The following PPP2R2B variants were observed in gnomAD, a reference collection of about 807,000 sequenced individuals.
PPP2R2B encodes serine/threonine-protein phosphatase 2A 55 kDa regulatory subunit B beta isoform.
A neutral mutation model predicts 46.0 loss-of-function variants in PPP2R2B; 5 were observed. The ratio of observed to expected loss-of-function variants is 0.11; its 90% CI spans 0.06 to 0.23. The LOEUF (loss-of-function observed/expected upper bound fraction) is 0.23, where lower values mean the gene tolerates loss of function less well. Among genes scored for constraint, PPP2R2B ranks in the 10% least tolerant of loss-of-function variants. PPP2R2B has a pLI of 1.00. For missense variants in PPP2R2B, 367 were observed against 575.0 expected, an observed-to-expected ratio of 0.64 and a Z score of 3.70; for synonymous variants, 215 against 206.7, an observed-to-expected ratio of 1.04 and a Z score of -0.34.
At chr5:147,052,887 C>G (rs1390187502) in intron 1 of PPP2R2B, among the ~76,000 whole-genome samples, 1 of 151,876 alleles carries the variant, frequency 6.6e-6, no homozygotes, top group African/African-American at 2.4e-5. Flanking sequence ...GGCGTGAGGG[C>G]TCAGAGTGAG....
chr5:146,863,513 C>T (rs1001473317), intron 2 of PPP2R2B, among the ~76,000 whole-genome samples: 5 of 151,992 alleles, frequency 3.3e-5, no homozygotes, highest in African/African-American at 9.7e-5. Context: ...AATATTGCAC[C>T]CCCAAATCTC....
rs540505772 is a variant in PPP2R2B at position 146,793,405 on chromosome 5, A to C, written c.70+84597T>G. On this transcript the variant is annotated intron_variant, in intron 2 of 9. Transcript: ENST00000394411. ...GAATTTGGGAGTTGCTGACATATAGATACTATTTCAAGTCACAAGAGTAGA... is the reference window on the plus strand; with the variant it reads ...GAATTTGGGAGTTGCTGACATATAGCTACTATTTCAAGTCACAAGAGTAGA... Among the ~76,000 whole-genome samples the C allele has an allele frequency of 1.1e-4, 17 of 152,348 alleles. 1 individual carries two copies. The South Asian group carries it at 3.3e-3, about 30-fold the overall frequency.
rs1481972536 is a variant in PPP2R2B at position 146,878,540 on chromosome 5, T to G, written c.-125+51A>C. 2 of 1,265,190 alleles carry G rather than the reference T, an allele frequency of 1.6e-6. No homozygotes were observed. Among genetic ancestry groups the G allele is most frequent in the Non-Finnish European group, 2.0e-6 (2 of 987,872 alleles). 78.4% of individuals were successfully genotyped at this position (1,265,190 alleles called of 1,614,324 possible). A position where few individuals can be genotyped will look rare whatever the true frequency, so the allele number is the denominator to read the frequency against. On this transcript the variant is annotated intron_variant, in intron 1 of 9. Transcript: ENST00000394411. This position sits in a 1 kb window ranked among gnomAD's most constrained non-coding sequence, Gnocchi z 4.5. ...GGCAGCCGCGACAAAATGGTGCCTT[T>G]CTGGACCCGAGCTGCAGTGGCGAGA...
At chr5:146,670,619 C>T (rs1203576468) in intron 5 of PPP2R2B, among the ~76,000 whole-genome samples, 1 of 152,014 alleles carries the variant, frequency 6.6e-6, no homozygotes, top group African/African-American at 2.4e-5. Flanking sequence ...TTTTAGCCTT[C>T]TGAGTAGCTG....
rs34864782 is a variant in PPP2R2B, at chr5:146,979,558, AACACAC to A, written c.79+76101_79+76106del. Among the ~76,000 whole-genome samples the A allele has an allele frequency of 7.8e-3, 1,066 of 137,330 alleles. 6 individuals carry two copies. The highest frequency in any genetic ancestry group is 0.024 in the African/African-American group (893 of 37,752). The allele number at this position is 137,330 out of a possible 152,430, so 90.1% of individuals were successfully genotyped here. A position where few individuals can be genotyped will look rare whatever the true frequency, so the allele number is the denominator to read the frequency against. On this transcript the variant is annotated intron_variant, in intron 1 of 8. Transcript: ENST00000336640. ...CCAATATTGAATCTTCCCACCTTGAAACACACACACACACACACACACACACACACA... is the reference window on the plus strand; with the variant it reads ...CCAATATTGAATCTTCCCACCTTGAAACACACACACACACACACACACACA...
At chr5:146,833,711 C>G (rs1392709000) in intron 2 of PPP2R2B, among the ~76,000 whole-genome samples, 1 of 152,034 alleles carries the variant, frequency 6.6e-6, no homozygotes, top group African/African-American at 2.4e-5. Flanking sequence ...CGTGTCTCTT[C>G]TTTTTCTGTC....
At chr5:147,056,069 C>T, upstream of PPP2R2B, 1 of 1,122,908 alleles carries the variant, frequency 8.9e-7, no homozygotes, top group Non-Finnish European at 1.1e-6. Context: ...CTGAAATGCT[C>T]TGCCTGAAAC....
exon 1 of PPP2R2B, chr5:147,081,395 G>C (rs949503996): frequency 1.5e-5 from 18 of 1,238,546 alleles, no homozygotes; most frequent in Admixed American, 2.0e-5. Flanking sequence ...TGGAGCAATT[G>C]GAGTTTGTCC....
chr5:146,939,874 C>G (rs1764266882), intron 1 of PPP2R2B, among the ~76,000 whole-genome samples: 1 of 152,124 alleles, frequency 6.6e-6, no homozygotes, highest in Non-Finnish European at 1.5e-5. Context: ...AAGCTCAGCT[C>G]ATGTACAAGT....
At chr5:146,751,826 G>A (rs1753573231) in intron 2 of PPP2R2B, among the ~76,000 whole-genome samples, 1 of 152,166 alleles carries the variant, frequency 6.6e-6, no homozygotes, top group African/African-American at 2.4e-5. Context: ...ATGAAGTGAT[G>A]GAGCACAACA....
chr5:146,652,073 G>A (rs375795131), intron 5 of PPP2R2B, among the ~76,000 whole-genome samples: 3 of 152,168 alleles, frequency 2.0e-5, no homozygotes, highest in African/African-American at 4.8e-5. Flanking sequence ...GGAAAGGAAA[G>A]GGAAGGAAAG....
intron 5 of PPP2R2B, among the ~76,000 whole-genome samples, chr5:146,669,831 A>C (rs560673862): frequency 2.8e-4 from 43 of 152,320 alleles, no homozygotes; most frequent in African/African-American, 1.0e-3. Context: ...CTAGGATTCA[A>C]ATACCATCTG....
intron 1 of PPP2R2B, among the ~76,000 whole-genome samples, chr5:146,907,368 A>G (rs999724277): frequency 2.6e-5 from 4 of 152,224 alleles, no homozygotes; most frequent in Non-Finnish European, 5.9e-5. Flanking sequence ...GAGCTTCTTC[A>G]GGACATTGGT....
At chr5:147,065,172 C>T (rs909782508) in intron 2 of PPP2R2B, among the ~76,000 whole-genome samples, 3 of 152,010 alleles carry the variant, frequency 2.0e-5, no homozygotes, top group African/African-American at 7.3e-5. Context: ...AATTATAATG[C>T]ATTTGGTAAG....
At chr5:147,045,379 GA>G (rs1756497927) in intron 1 of PPP2R2B, among the ~76,000 whole-genome samples, 1 of 152,116 alleles carries the variant, frequency 6.6e-6, no homozygotes, top group African/African-American at 2.4e-5. Flanking sequence ...ATTGCCCACA[GA>G]ATTCAGGACT....
intron 1 of PPP2R2B, among the ~76,000 whole-genome samples, chr5:146,925,091 A>G (rs1400215237): frequency 6.6e-6 from 1 of 152,194 alleles, no homozygotes; most frequent in Non-Finnish European, 1.5e-5. Context: ...TGTCCTATAT[A>G]TTAAATCTAT....
rs7718071 is a variant in PPP2R2B at position 147,002,336 on chromosome 5, A to G, written c.79+53329T>C. Among the ~76,000 whole-genome samples the G allele has an allele frequency of 6.5e-3, 987 of 152,238 alleles. 10 individuals carry two copies. The highest frequency in any genetic ancestry group is 0.023 in the African/African-American group (944 of 41,538). On this transcript the variant is annotated intron_variant, in intron 1 of 8. Coordinates refer to the PPP2R2B transcript ENST00000336640. ...CTACTCCTGAAGCTAGGATATGGGGAGCCTCAGAAATTGTATCCTTCTGTT... is the reference window on the plus strand; with the variant it reads ...CTACTCCTGAAGCTAGGATATGGGGGGCCTCAGAAATTGTATCCTTCTGTT...
chr5:146,594,572 C>T (rs1770985707), intron 8 of PPP2R2B, among the ~76,000 whole-genome samples: 1 of 152,210 alleles, frequency 6.6e-6, no homozygotes, highest in African/African-American at 2.4e-5. Context: ...CATTTCATCT[C>T]TAAAGCCATC....
intron 2 of PPP2R2B, among the ~76,000 whole-genome samples, chr5:146,847,674 C>T (rs557326901): frequency 6.6e-6 from 1 of 152,324 alleles, no homozygotes; most frequent in African/African-American, 2.4e-5. Flanking sequence ...CACCACAAAC[C>T]TGTGAGCAGA....
Sources: gnomAD v4.1 joint callset for allele counts (sites outside exome capture counted in the v4.1 genomes callset) on GRCh38, gnomAD v4.1.1 for gene constraint, Gnocchi (gnomAD v3.1) non-coding constraint, MANE v1.5 for transcripts, NCBI Gene and HGNC (gene_info 2026-07-23, HGNC 2026-07-21) for gene names.